Variants in DRICH1 observed in about 807,000 individuals in gnomAD.
DRICH1 encodes the protein aspartate-rich protein 1.
In DRICH1, 38 loss-of-function variants were observed where a neutral mutation model predicts 39.5. The observed-to-expected ratio is 0.96, with a 90% CI of 0.74 to 1.26. The LOEUF is 1.26. Among genes scored for constraint, DRICH1 ranks in the 50% most tolerant of loss-of-function variants. The probability of loss-of-function intolerance (pLI) is 0.00; values close to 1 mark genes in which losing one functional copy is unlikely to be tolerated. For missense variants in DRICH1, 279 were observed against 270.4 expected, an observed-to-expected ratio of 1.03 and a Z score of -0.22; for synonymous variants, 84 against 99.5, an observed-to-expected ratio of 0.84 and a Z score of 0.93.
chr22:23,589,906 C>T, the DRICH1 span, among the ~76,000 whole-genome samples: 1 of 152,144 alleles, frequency 6.6e-6, no homozygotes, highest in African/African-American at 2.4e-5. Flanking sequence ...ATGAAGGGAC[C>T]CCGAGGCTCT....
chr22:23,596,785 T>A, the DRICH1 span, among the ~76,000 whole-genome samples: 15 of 152,378 alleles, frequency 9.8e-5, no homozygotes, highest in African/African-American at 3.6e-4. Context: ...GTCTAATACA[T>A]GGTATATTCC....
intron 8 of DRICH1, among the ~76,000 whole-genome samples, chr22:23,616,311 T>C (rs563061456): frequency 2.2e-4 from 34 of 152,166 alleles, no homozygotes; most frequent in African/African-American, 7.5e-4. Context: ...CATCTGTAAA[T>C]AATAAAGTAA....
At chr22:23,624,466 A>T in intron 3 of DRICH1, 1 of 502,340 alleles carries the variant, frequency 2.0e-6, no homozygotes, top group Non-Finnish European at 2.6e-6. Flanking sequence ...CTGTTTCTAC[A>T]CCCTCCCTCA....
the DRICH1 span, among the ~76,000 whole-genome samples, chr22:23,600,856 T>C: frequency 6.6e-6 from 1 of 152,012 alleles, no homozygotes; most frequent in Non-Finnish European, 1.5e-5. Context: ...ATATTTTTAG[T>C]AGAGACGGGG....
chr22:23,582,583 T>TATTATTATTATTATTTC, the DRICH1 span, among the ~76,000 whole-genome samples: 1 of 149,600 alleles, frequency 6.7e-6, no homozygotes, highest in Admixed American at 6.6e-5. Flanking sequence ...ATTATTATTT[T>TATTATTATTATTATTTC]GAGATGGAGT....
the DRICH1 span, among the ~76,000 whole-genome samples, chr22:23,595,294 G>A: frequency 6.7e-6 from 1 of 149,136 alleles, no homozygotes; most frequent in African/African-American, 2.5e-5. Context: ...TTCATCCCCT[G>A]AGAAGGTTCC....
At chr22:23,597,129 C>T in the DRICH1 span, among the ~76,000 whole-genome samples, 1 of 132,900 alleles carries the variant, frequency 7.5e-6, no homozygotes, top group East Asian at 2.1e-4. Flanking sequence ...CATTGACTGA[C>T]CCATCTTTCT....
At chr22:23,586,316 C>A in the DRICH1 span, among the ~76,000 whole-genome samples, 1 of 152,120 alleles carries the variant, frequency 6.6e-6, no homozygotes, top group African/African-American at 2.4e-5. Context: ...TGGTGAAACC[C>A]CATCTCTACA....
chr22:23,606,101 A>C (rs992898095), downstream of DRICH1, among the ~76,000 whole-genome samples: 2 of 151,970 alleles, frequency 1.3e-5, no homozygotes, highest in African/African-American at 4.8e-5. Context: ...AAAAAAAAAA[A>C]TTAATTCAAA....
chr22:23,626,294 C>T (rs1337974627), intron 1 of DRICH1, among the ~76,000 whole-genome samples: 1 of 152,146 alleles, frequency 6.6e-6, no homozygotes, highest in Non-Finnish European at 1.5e-5. Context: ...AATCAAAAAT[C>T]AGGGCTTTGA....
At chr22:23,616,931 T>A (rs1377885405) in intron 7 of DRICH1, 57 bp from the exon 8 acceptor site, 2 of 1,590,560 alleles carry the variant, frequency 1.3e-6, no homozygotes, top group Non-Finnish European at 8.6e-7. Flanking sequence ...CCACACCCCT[T>A]ACACAGATCT....
the DRICH1 span, among the ~76,000 whole-genome samples, chr22:23,595,106 G>A: frequency 1.4e-4 from 20 of 147,030 alleles, no homozygotes; most frequent in South Asian, 4.6e-3. Flanking sequence ...TGTCCTGTGG[G>A]TGGAGGGTGA....
rs1314790966 is a variant in DRICH1, at chr22:23,631,509, C to G, written c.208+307G>C. 7.2e-5 allele frequency among the ~76,000 whole-genome samples: 11 copies of G among 152,276 alleles called. No homozygotes were observed. In the East Asian group the frequency reaches 9.6e-4, roughly 13 times the overall value. ...GGAAGAAAAACAATCTGACCCTTAGCTGGTTCCTTCATTTAGGTACCAAAC... is the reference window on the plus strand; with the variant it reads ...GGAAGAAAAACAATCTGACCCTTAGGTGGTTCCTTCATTTAGGTACCAAAC... On this transcript the variant is annotated intron_variant, in intron 1 of 11. Coordinates refer to ENST00000317749, the MANE Select transcript of DRICH1 (RefSeq NM_016449.4).
the DRICH1 span, among the ~76,000 whole-genome samples, chr22:23,586,537 GTTTT>G: frequency 2.0e-5 from 3 of 151,634 alleles, no homozygotes; most frequent in Middle Eastern, 3.5e-3. Flanking sequence ...CCCTGATGAG[GTTTT>G]TGTTTGTTTG....
chr22:23,596,289 C>T, the DRICH1 span, among the ~76,000 whole-genome samples: 2 of 152,158 alleles, frequency 1.3e-5, no homozygotes, highest in Non-Finnish European at 2.9e-5. Context: ...CCCCTTTTGA[C>T]AGAGTCTTGC....
chr22:23,624,748 A>G (rs530972989), intron 3 of DRICH1, 135 bp downstream of exon 3: 10 of 1,128,878 alleles, frequency 8.9e-6, no homozygotes, highest in Non-Finnish European at 1.3e-5. Context: ...CTCTCTGCTC[A>G]TAATTATACA....
chr22:23,599,379 T>C, the DRICH1 span, among the ~76,000 whole-genome samples: 1 of 152,150 alleles, frequency 6.6e-6, no homozygotes, highest in Admixed American at 6.5e-5. Context: ...CCTCTGCCCA[T>C]TCAGTCTTCT....
chr22:23,612,419 A>T (rs1927086429), intron 11 of DRICH1, among the ~76,000 whole-genome samples: 1 of 146,386 alleles, frequency 6.8e-6, no homozygotes, highest in South Asian at 2.2e-4. Flanking sequence ...GTGAGCCGAG[A>T]TCGCACCACT....
the DRICH1 span, among the ~76,000 whole-genome samples, chr22:23,595,048 G>T: frequency 7.4e-5 from 11 of 149,430 alleles, no homozygotes; most frequent in South Asian, 2.4e-3. Flanking sequence ...GAAAGCCAGG[G>T]TCTCCACCAC....
Sources: gnomAD v4.1 joint callset for allele counts (sites outside exome capture counted in the v4.1 genomes callset) on GRCh38, gnomAD v4.1.1 for gene constraint, MANE v1.5 for transcripts, NCBI Gene and HGNC (gene_info 2026-07-23, HGNC 2026-07-21) for gene names.